NEK1: variants seen among roughly 807,000 people sequenced by gnomAD.
The protein encoded by NEK1 is NIMA related kinase 1, also known as serine/threonine-protein kinase Nek1.
A neutral mutation model predicts 182.1 loss-of-function variants in NEK1; 137 were observed. The ratio of observed to expected loss-of-function variants is 0.75; its 90% confidence interval spans 0.65 to 0.87. The LOEUF (loss-of-function observed/expected upper bound fraction) is 0.87. NEK1 is among the 40% of genes least tolerant of loss of function. NEK1 has a pLI of 0.00. For synonymous variants in NEK1, 513 were observed against 492.2 expected (o/e 1.04, Z -0.56); for missense variants, 1,391 against 1,494.4 (o/e 0.93, Z 1.14).
At chr4:169,533,020 A>G (rs1757923196) in intron 19 of NEK1, among the ~76,000 whole-genome samples, 1 of 152,180 alleles carries the variant, frequency 6.6e-6, no homozygotes, top group Non-Finnish European at 1.5e-5. Flanking sequence ...CTGTCTCCAG[A>G]TGTAGGCTCT....
Position 169,394,595 on chromosome 4 carries a change from G to A in NEK1, c.3848-72C>T, listed in dbSNP as rs371190672. ...TCTACTTTAAAAAAAACCCATTCTT[G>A]TTCATGCTAAAGGAGAAGAGCTTTA... On this transcript the variant is annotated intron_variant, in intron 35 of 35. Transcript: ENST00000507142. 5 of 895,270 alleles carry A rather than the reference G, an allele frequency of 5.6e-6. No homozygotes were observed. In the African/African-American group the frequency reaches 8.7e-5, roughly 16 times the overall value. The allele number at this position is 895,270 out of a possible 1,614,324, so 55.5% of individuals were successfully genotyped here.
intron 32 of NEK1, among the ~76,000 whole-genome samples, chr4:169,404,602 C>A (rs1298221353): frequency 1.3e-5 from 2 of 151,902 alleles, no homozygotes; most frequent in African/African-American, 4.8e-5. Context: ...TATAAAAATT[C>A]TAATATTTTA....
intron 18 of NEK1, among the ~76,000 whole-genome samples, chr4:169,551,114 C>T (rs754739373): frequency 2.6e-4 from 40 of 152,122 alleles, no homozygotes; most frequent in Non-Finnish European, 4.0e-4. Flanking sequence ...TTGTCATTAC[C>T]CTATTGTTTA....
chr4:169,510,917 A>G (rs2149705483), intron 19 of NEK1, among the ~76,000 whole-genome samples: 1 of 152,274 alleles, frequency 6.6e-6, no homozygotes, highest in South Asian at 2.1e-4. Context: ...TAGGGAGTTA[A>G]GTGTGCTTCC....
chr4:169,576,339 C>A (rs1348838212), intron 12 of NEK1, among the ~76,000 whole-genome samples: 1 of 152,170 alleles, frequency 6.6e-6, no homozygotes, highest in Non-Finnish European at 1.5e-5. Context: ...TGTATACATA[C>A]ATATCTAAGG....
rs924297714 is a variant in NEK1, at chr4:169,393,427, T to C, written c.*1083A>G. On this transcript the variant is annotated 3_prime_UTR_variant, in exon 36 of 36. Transcript: ENST00000507142. ...ATAAGATTTTATTTTTCAAATTACA[T>C]ATTATGCCAACCAGCCTGCTTTGGA... The C allele has an allele frequency of 1.3e-5, 2 of 152,214 alleles. No homozygotes were observed. Among genetic ancestry groups the C allele is most frequent in the Non-Finnish European group, 2.9e-5 (2 of 68,034 alleles). The allele number at this position is 152,214 out of a possible 1,614,324, so 9.4% of individuals were successfully genotyped here. A position where few individuals can be genotyped will look rare whatever the true frequency, so the allele number is the denominator to read the frequency against.
At chr4:169,476,781 C>T (rs1747028132) in intron 26 of NEK1, among the ~76,000 whole-genome samples, 2 of 151,978 alleles carry the variant, frequency 1.3e-5, no homozygotes, top group Admixed American at 6.6e-5. Context: ...GAGACACTAC[C>T]CTGGTTCTCA....
chr4:169,425,442 GAAAAA>G (rs35489092), intron 30 of NEK1, among the ~76,000 whole-genome samples: 13,310 of 100,740 alleles, frequency 0.13, 780 homozygotes, highest in African/African-American at 0.2. Flanking sequence ...CAAACAAAAT[GAAAAA>G]AAAAAAAAGA....
chr4:169,597,064 A>G (rs1769629085), intron 5 of NEK1, among the ~76,000 whole-genome samples: 1 of 152,214 alleles, frequency 6.6e-6, no homozygotes, highest in African/African-American at 2.4e-5. Flanking sequence ...AATGTGCTTT[A>G]TAAGGGAATA....
intron 11 of NEK1, among the ~76,000 whole-genome samples, chr4:169,580,391 G>A (rs751443450): frequency 4.6e-4 from 69 of 150,596 alleles, no homozygotes; most frequent in South Asian, 1.0e-3. Context: ...CCAGCTACTC[G>A]GAGGCTGAGG....
chr4:169,420,403 A>G (rs1347691221), intron 31 of NEK1, among the ~76,000 whole-genome samples: 5 of 152,228 alleles, frequency 3.3e-5, no homozygotes, highest in Non-Finnish European at 7.3e-5. Context: ...GTCAATTATT[A>G]TTGTTGTCAA....
intron 26 of NEK1, among the ~76,000 whole-genome samples, chr4:169,473,925 T>C (rs1343595221): frequency 2.6e-5 from 4 of 152,002 alleles, no homozygotes; most frequent in Non-Finnish European, 5.9e-5. Flanking sequence ...ATGAAAAGAA[T>C]TGTAATGGAG....
chr4:169,424,924 T>C, intron 30 of NEK1, 124 bp from the exon 31 acceptor site: 1 of 935,314 alleles, frequency 1.1e-6, no homozygotes, highest in South Asian at 2.3e-5. Flanking sequence ...GAAAATAAAA[T>C]CAAAATATGT....
Position 169,394,488 on chromosome 4 carries a change from G to T in NEK1, c.*22C>A. The T allele has an allele frequency of 1.5e-6, 2 of 1,355,780 alleles. No homozygotes were observed. The highest frequency in any genetic ancestry group is 2.4e-5 in the East Asian group (1 of 40,912). The allele number at this position is 1,355,780 out of a possible 1,614,324, so 84.0% of individuals were successfully genotyped here. A position where few individuals can be genotyped will look rare whatever the true frequency, so the allele number is the denominator to read the frequency against. ...AATTCAAATGCTTTCATATAGTTGAGGATTAAAAAACATTTTGAGGATTAT... is the reference window on the plus strand; with the variant it reads ...AATTCAAATGCTTTCATATAGTTGATGATTAAAAAACATTTTGAGGATTAT... On this transcript the variant is annotated 3_prime_UTR_variant, in exon 36 of 36. Transcript: ENST00000507142.
chr4:169,537,011 CAA>C (rs1758619778), intron 19 of NEK1, among the ~76,000 whole-genome samples: 1 of 152,196 alleles, frequency 6.6e-6, no homozygotes, highest in African/African-American at 2.4e-5. Flanking sequence ...CATTAACTCA[CAA>C]AGATACCACT....
At chr4:169,466,743 A>G (rs1053268939) in intron 26 of NEK1, among the ~76,000 whole-genome samples, 7 of 152,110 alleles carry the variant, frequency 4.6e-5, no homozygotes, top group Admixed American at 1.3e-4. Flanking sequence ...TACAAAATAG[A>G]TATCTTCTAC....
intron 21 of NEK1, 53 bp from the exon 22 acceptor site, chr4:169,507,845 T>G: frequency 7.9e-7 from 1 of 1,258,234 alleles, no homozygotes. Flanking sequence ...TCAAATTGAG[T>G]GCAGAGCTCT....
intron 12 of NEK1, among the ~76,000 whole-genome samples, chr4:169,569,492 C>CT (rs1764294383): frequency 1.4e-5 from 2 of 139,840 alleles, no homozygotes; most frequent in Admixed American, 7.1e-5. Context: ...CTCTCCCTCT[C>CT]CCCATGGTCT....
chr4:169,425,861 AATTT>A (rs1410456131), intron 30 of NEK1, among the ~76,000 whole-genome samples: 2 of 152,156 alleles, frequency 1.3e-5, no homozygotes, highest in African/African-American at 4.8e-5. Flanking sequence ...AAAAGAAAAC[AATTT>A]ATTTAATGTC....
Sources: allele counts gnomAD v4.1 joint callset (sites outside exome capture counted in the v4.1 genomes callset), GRCh38; gene constraint gnomAD v4.1.1; transcripts MANE v1.5; gene names NCBI Gene and HGNC (gene_info 2026-07-23, HGNC 2026-07-21).